Variants in NELL2 observed in about 807,000 individuals in gnomAD.
The protein encoded by NELL2 is neural EGFL like 2, also known as protein kinase C-binding protein NELL2.
A neutral mutation model predicts 109.6 loss-of-function variants in NELL2; 41 were observed. The ratio of observed to expected loss-of-function variants is 0.37; its 90% CI spans 0.29 to 0.49. NELL2 has a LOEUF of 0.49. Ranked by LOEUF, NELL2 falls within the 20% of genes least tolerant of loss-of-function variation. NELL2 has a pLI of 0.98. For synonymous variants in NELL2, 355 were observed against 344.7 expected, an observed-to-expected ratio of 1.03 and a Z score of -0.33; for missense variants, 900 against 1,008.3, an observed-to-expected ratio of 0.89 and a Z score of 1.45.
chr12:44,689,386 T>C (rs1948831691), intron 12 of NELL2, among the ~76,000 whole-genome samples: 1 of 152,220 alleles, frequency 6.6e-6, no homozygotes, highest in Admixed American at 6.5e-5. Flanking sequence ...TAAAAGTTTT[T>C]ATACCTAATT....
Position 44,884,591 on chromosome 12 carries a change from A to G in NELL2, c.39-8691T>C, listed in dbSNP as rs778027984. ...GACAAAGACAGTTACATAACAGAAA[A>G]TAAAACTAGAACATAGACTCTAAAT... On this transcript the variant is annotated intron_variant, in intron 1 of 20. Coordinates refer to the NELL2 transcript ENST00000333837. Among the ~76,000 whole-genome samples, 8 of 152,054 alleles carry G rather than the reference A, an allele frequency of 5.3e-5. 1 individual carries two copies. Among genetic ancestry groups the G allele is most frequent in the Admixed American group, 2.6e-4 (4 of 15,286 alleles).
chr12:44,697,190 A>G (rs756388587), intron 12 of NELL2, among the ~76,000 whole-genome samples: 1 of 152,210 alleles, frequency 6.6e-6, no homozygotes, highest in Non-Finnish European at 1.5e-5. Flanking sequence ...AACGTGAGCT[A>G]TACATACATT....
intron 13 of NELL2, among the ~76,000 whole-genome samples, chr12:44,651,829 G>A (rs531267349): frequency 2.0e-5 from 3 of 152,184 alleles, no homozygotes; most frequent in East Asian, 1.9e-4. Flanking sequence ...GTATTTATCC[G>A]AACATGTTTT....
intron 13 of NELL2, among the ~76,000 whole-genome samples, chr12:44,611,960 A>G (rs1380354026): frequency 6.6e-6 from 1 of 152,142 alleles, no homozygotes; most frequent in East Asian, 1.9e-4. Flanking sequence ...CTTAGTACTC[A>G]GTCTCTTACA....
intron 1 of NELL2, among the ~76,000 whole-genome samples, chr12:44,887,970 T>A (rs1945493201): frequency 6.6e-6 from 1 of 152,014 alleles, no homozygotes; most frequent in African/African-American, 2.4e-5. Flanking sequence ...GTTTCAGTAT[T>A]AGAGTTAAGC....
intron 9 of NELL2, among the ~76,000 whole-genome samples, chr12:44,741,578 A>T (rs1939965608): frequency 1.3e-5 from 2 of 152,214 alleles, no homozygotes; most frequent in Non-Finnish European, 2.9e-5. Context: ...GACAGACGGC[A>T]CCTGGAAAAT....
intron 18 of NELL2, 161 bp downstream of exon 18, chr12:44,521,839 G>C: frequency 1.6e-6 from 1 of 640,364 alleles, no homozygotes; most frequent in Non-Finnish European, 2.7e-6. Flanking sequence ...CTTGGGTTGT[G>C]ATCGTGTAAC....
chr12:44,645,816 A>G (rs1947075650), intron 13 of NELL2, among the ~76,000 whole-genome samples: 1 of 152,114 alleles, frequency 6.6e-6, no homozygotes, highest in South Asian at 2.1e-4. Flanking sequence ...TTAGCATGTG[A>G]TAGGTCTGTC....
At chr12:44,538,354 G>A (rs908653329) in intron 15 of NELL2, among the ~76,000 whole-genome samples, 26 of 152,182 alleles carry the variant, frequency 1.7e-4, no homozygotes, top group African/African-American at 5.1e-4. Flanking sequence ...GGCCTCACAG[G>A]AGAAGCAGTA....
chr12:44,643,156 C>T (rs1946923513), intron 13 of NELL2, among the ~76,000 whole-genome samples: 1 of 152,090 alleles, frequency 6.6e-6, no homozygotes, highest in Non-Finnish European at 1.5e-5. Context: ...GGCCTAATAA[C>T]ACTATAGAAG....
At chr12:44,758,170 T>A (rs1272438627) in intron 9 of NELL2, among the ~76,000 whole-genome samples, 3 of 152,160 alleles carry the variant, frequency 2.0e-5, no homozygotes. Context: ...GTTTCTCATA[T>A]GTTTTGTGTG....
intron 9 of NELL2, among the ~76,000 whole-genome samples, chr12:44,735,682 A>T (rs924748342): frequency 2.0e-5 from 3 of 152,032 alleles, no homozygotes; most frequent in Non-Finnish European, 4.4e-5. Context: ...AGTTCCACTG[A>T]TTTTTTTCAC....
At chr12:44,646,822 A>G (rs1250767831) in intron 13 of NELL2, among the ~76,000 whole-genome samples, 2 of 152,216 alleles carry the variant, frequency 1.3e-5, no homozygotes, top group Non-Finnish European at 2.9e-5. Flanking sequence ...AAGTCAAAAT[A>G]CTACTGAGAT....
At chr12:44,796,796 T>C (rs1272231710) in intron 3 of NELL2, among the ~76,000 whole-genome samples, 1 of 152,156 alleles carries the variant, frequency 6.6e-6, no homozygotes, top group Admixed American at 6.6e-5. Context: ...TAATTCATAA[T>C]TGAAGCCCTA....
intron 15 of NELL2, among the ~76,000 whole-genome samples, chr12:44,604,191 G>C (rs921484985): frequency 2.6e-5 from 4 of 151,760 alleles, no homozygotes; most frequent in African/African-American, 9.7e-5. Context: ...AGGAAGAAAA[G>C]AAGAAAGAGA....
chr12:44,726,363 A>G (rs1158867854), intron 9 of NELL2, among the ~76,000 whole-genome samples: 2 of 152,166 alleles, frequency 1.3e-5, no homozygotes, highest in African/African-American at 4.8e-5. Flanking sequence ...TTCATATTTT[A>G]ACTGAAACCC....
chr12:44,740,922 T>A, intron 9 of NELL2, among the ~76,000 whole-genome samples: 1 of 152,180 alleles, frequency 6.6e-6, no homozygotes, highest in East Asian at 1.9e-4. Context: ...TCACAGGGGA[T>A]CACATCATAA....
intron 9 of NELL2, among the ~76,000 whole-genome samples, chr12:44,730,353 A>T (rs1001691794): frequency 4.6e-5 from 7 of 152,166 alleles, no homozygotes; most frequent in African/African-American, 1.7e-4. Flanking sequence ...TCTCAAGGAC[A>T]TACAGAACAT....
chr12:44,683,318 G>T (rs1948593710), intron 12 of NELL2, among the ~76,000 whole-genome samples: 1 of 149,170 alleles, frequency 6.7e-6, no homozygotes, highest in Non-Finnish European at 1.5e-5. Context: ...GGAGATTTTG[G>T]GCTGAGACAA....
Sources: allele counts gnomAD v4.1 joint callset (sites outside exome capture counted in the v4.1 genomes callset), GRCh38; gene constraint gnomAD v4.1.1; transcripts MANE v1.5; gene names NCBI Gene and HGNC (gene_info 2026-07-23, HGNC 2026-07-21).